The following LDB2 variants were observed in gnomAD, a reference collection of about 807,000 sequenced individuals.
The protein encoded by LDB2 is LIM domain binding 2.
A neutral mutation model predicts 44.3 loss-of-function variants in LDB2; 12 were observed. The observed-to-expected ratio is 0.27, with a 90% confidence interval of 0.17 to 0.44. The LOEUF (loss-of-function observed/expected upper bound fraction) is 0.44. Ranked by LOEUF, LDB2 falls within the 20% of genes least tolerant of loss-of-function variation. The pLI, the probability that LDB2 is intolerant of heterozygous loss-of-function variation, is 1.00. For missense variants in LDB2, 344 were observed against 473.5 expected, an observed-to-expected ratio of 0.73 and a Z score of 2.54; for synonymous variants, 164 against 174.8, an observed-to-expected ratio of 0.94 and a Z score of 0.49.
At chr4:16,842,856 T>C (rs1786147781) in intron 1 of LDB2, among the ~76,000 whole-genome samples, 1 of 152,216 alleles carries the variant, frequency 6.6e-6, no homozygotes, top group African/African-American at 2.4e-5. Context: ...ATTGCCCCAT[T>C]TTCCTGACTT....
chr4:16,660,580 T>C (rs1287785279), intron 2 of LDB2, among the ~76,000 whole-genome samples: 2 of 152,206 alleles, frequency 1.3e-5, no homozygotes, highest in Non-Finnish European at 2.9e-5. Flanking sequence ...ACTGTGCGCC[T>C]ACTACATGCC....
chr4:16,740,277 A>G (rs1762967775), intron 2 of LDB2, among the ~76,000 whole-genome samples: 1 of 152,138 alleles, frequency 6.6e-6, no homozygotes, highest in African/African-American at 2.4e-5. Context: ...TTCTTCTGGC[A>G]CACACTCGGC....
chr4:16,542,727 T>TTTTC (rs2152328628), intron 5 of LDB2, among the ~76,000 whole-genome samples: 1 of 150,408 alleles, frequency 6.6e-6, no homozygotes, highest in South Asian at 2.1e-4. Flanking sequence ...GCTCAATAAT[T>TTTTC]TTTTTTTAAC....
intron 1 of LDB2, among the ~76,000 whole-genome samples, chr4:16,854,860 G>C (rs1024314540): frequency 6.6e-6 from 1 of 151,842 alleles, no homozygotes; most frequent in African/African-American, 2.4e-5. Context: ...ACTACGTATG[G>C]ATGCACACGA....
At chr4:16,877,412 A>G (rs905768389) in intron 1 of LDB2, among the ~76,000 whole-genome samples, 1 of 152,236 alleles carries the variant, frequency 6.6e-6, no homozygotes, top group African/African-American at 2.4e-5. Flanking sequence ...TTTAACAGAT[A>G]TGGAAACTGA....
At chr4:16,723,458 C>G (rs988426667) in intron 2 of LDB2, among the ~76,000 whole-genome samples, 1 of 152,080 alleles carries the variant, frequency 6.6e-6, no homozygotes, top group Non-Finnish European at 1.5e-5. Flanking sequence ...GAGGGTACAG[C>G]CCCTGTGACC....
chr4:16,726,056 C>T (rs1175487728), intron 2 of LDB2, among the ~76,000 whole-genome samples: 1 of 150,878 alleles, frequency 6.6e-6, no homozygotes, highest in Admixed American at 6.6e-5. Context: ...TTTAAATATA[C>T]ATTTCATATA....
intron 1 of LDB2, among the ~76,000 whole-genome samples, chr4:16,886,701 G>A (rs1721791733): frequency 1.3e-5 from 2 of 152,104 alleles, no homozygotes; most frequent in Non-Finnish European, 2.9e-5. Flanking sequence ...GAAGGTTAGT[G>A]ATGTGTTTTT....
chr4:16,542,181 A>AT (rs996368406), intron 5 of LDB2, among the ~76,000 whole-genome samples: 1 of 152,028 alleles, frequency 6.6e-6, no homozygotes, highest in Non-Finnish European at 1.5e-5. Flanking sequence ...CACTAAGAAA[A>AT]TAATGACTGA....
chr4:16,682,727 C>T (rs1748254800), intron 2 of LDB2, among the ~76,000 whole-genome samples: 1 of 152,210 alleles, frequency 6.6e-6, no homozygotes, highest in African/African-American at 2.4e-5. Context: ...GCTTTGCCTG[C>T]ACCTGGTTCT....
intron 1 of LDB2, among the ~76,000 whole-genome samples, chr4:16,862,633 CAAAAAAAAAA>C (rs58157857): frequency 6.4e-4 from 29 of 45,082 alleles, no homozygotes; most frequent in Admixed American, 2.3e-3. Context: ...AATTCCATCT[CAAAAAAAAAA>C]AAAAAAAAAA....
At chr4:16,769,436 A>ACTGTCC (rs1770130565) in intron 1 of LDB2, among the ~76,000 whole-genome samples, 1 of 151,884 alleles carries the variant, frequency 6.6e-6, no homozygotes, top group African/African-American at 2.4e-5. Flanking sequence ...AGCTGGGATT[A>ACTGTCC]CAGGAGCCCA....
At chr4:16,743,198 G>T (rs1763690843) in intron 2 of LDB2, among the ~76,000 whole-genome samples, 1 of 152,176 alleles carries the variant, frequency 6.6e-6, no homozygotes, top group South Asian at 2.1e-4. Flanking sequence ...GCTGAGGCAT[G>T]AGAATTGCTT....
rs377263194 is a variant in LDB2 at position 16,739,622 on chromosome 4, G to A, written c.235+19536C>T. On this transcript the variant is annotated intron_variant, in intron 2 of 7. Transcript: ENST00000304523. ...TATATATATATATGTATATATACAT[G>A]TGTGTGTATATATGTATATATACAT... is the stretch of plus-strand genomic sequence containing the variant. Among the ~76,000 whole-genome samples, 45 of 43,916 alleles carry A rather than the reference G, an allele frequency of 1.0e-3. 1 individual carries two copies. Among genetic ancestry groups the A allele is most frequent in the African/African-American group, 2.1e-3 (18 of 8,744 alleles). The allele number at this position is 43,916 out of a possible 152,430, so 28.8% of individuals were successfully genotyped here.
intron 5 of LDB2, among the ~76,000 whole-genome samples, chr4:16,564,066 C>G (rs2152385863): frequency 1.3e-5 from 2 of 152,314 alleles, no homozygotes; most frequent in Middle Eastern, 6.8e-3. Context: ...ATTCTCCTTT[C>G]TTTTTGAGCT....
intron 2 of LDB2, among the ~76,000 whole-genome samples, chr4:16,644,435 T>C (rs1736100097): frequency 2.0e-5 from 3 of 151,544 alleles, no homozygotes; most frequent in African/African-American, 2.4e-5. Flanking sequence ...TTTTCTTTTT[T>C]TTTTTTTTTG....
intron 2 of LDB2, among the ~76,000 whole-genome samples, chr4:16,656,729 T>G (rs1343763350): frequency 6.6e-6 from 1 of 152,206 alleles, no homozygotes; most frequent in East Asian, 1.9e-4. Context: ...GTAAGTTTAG[T>G]CCCCGTAAAC....
At chr4:16,678,506 C>T (rs1211149919) in intron 2 of LDB2, among the ~76,000 whole-genome samples, 1 of 152,036 alleles carries the variant, frequency 6.6e-6, no homozygotes, top group Non-Finnish European at 1.5e-5. Flanking sequence ...GGGACCTTGC[C>T]CAGAGCCTTG....
intron 2 of LDB2, among the ~76,000 whole-genome samples, chr4:16,657,717 C>T (rs115561003): frequency 0.014 from 2,118 of 152,294 alleles, 49 homozygotes; most frequent in African/African-American, 0.049. Context: ...CTGTCCTCTG[C>T]GTCTGGAACA....
Sources: gnomAD v4.1 joint callset for allele counts (sites outside exome capture counted in the v4.1 genomes callset) on GRCh38, gnomAD v4.1.1 for gene constraint, MANE v1.5 for transcripts, NCBI Gene and HGNC (gene_info 2026-07-23, HGNC 2026-07-21) for gene names.